Variants in PLXNA4 observed in about 807,000 individuals in gnomAD.
PLXNA4 encodes the protein plexin-A4.
In PLXNA4, 44 loss-of-function variants were observed where a neutral mutation model predicts 191.8. The ratio of observed to expected loss-of-function variants is 0.23; its 90% CI spans 0.18 to 0.29. The LOEUF is 0.29. Ranked by LOEUF, PLXNA4 falls within the 10% of genes least tolerant of loss-of-function variation. The probability of loss-of-function intolerance (pLI) is 1.00; values close to 1 mark genes in which losing one functional copy is unlikely to be tolerated. For synonymous variants in PLXNA4, 1,082 were observed against 1,009.5 expected, an observed-to-expected ratio of 1.07 and a Z score of -1.36; for missense variants, 1,800 against 2,488.8, an observed-to-expected ratio of 0.72 and a Z score of 5.89.
At chr7:132,264,969 C>T (rs535133134) in intron 4 of PLXNA4, among the ~76,000 whole-genome samples, 51 of 152,348 alleles carry the variant, frequency 3.3e-4, no homozygotes, top group African/African-American at 9.1e-4. Context: ...GCTGGGATTA[C>T]AGGCATGAGC....
At chr7:132,287,536 G>A (rs1800726653) in intron 4 of PLXNA4, among the ~76,000 whole-genome samples, 1 of 152,142 alleles carries the variant, frequency 6.6e-6, no homozygotes, top group Admixed American at 6.5e-5. Flanking sequence ...GGACGGGTAT[G>A]AAAAGCCAAG....
At chr7:132,220,608 C>T (rs565088147) in intron 9 of PLXNA4, among the ~76,000 whole-genome samples, 38 of 152,106 alleles carry the variant, frequency 2.5e-4, no homozygotes, top group Non-Finnish European at 3.8e-4. Context: ...ATCCTTCTCT[C>T]GGCCATTTCC....
chr7:132,184,892 A>G (rs948659106), intron 16 of PLXNA4, among the ~76,000 whole-genome samples: 2 of 151,988 alleles, frequency 1.3e-5, no homozygotes, highest in African/African-American at 4.8e-5. Context: ...ACCTGACTAC[A>G]GGGAGTAGTC....
At chr7:132,246,050 G>A (rs1358002714) in intron 4 of PLXNA4, among the ~76,000 whole-genome samples, 1 of 152,196 alleles carries the variant, frequency 6.6e-6, no homozygotes, top group East Asian at 1.9e-4. Flanking sequence ...ACTTACAAAT[G>A]CACACTTAGA....
intron 2 of PLXNA4, among the ~76,000 whole-genome samples, chr7:132,501,777 T>C (rs907138809): frequency 6.6e-6 from 1 of 152,174 alleles, no homozygotes; most frequent in African/African-American, 2.4e-5. Context: ...AGGCACCCAG[T>C]GCTAAATAAG....
intron 23 of PLXNA4, among the ~76,000 whole-genome samples, chr7:132,164,739 G>A (rs757300485): frequency 1.2e-4 from 19 of 152,368 alleles, no homozygotes; most frequent in Non-Finnish European, 2.1e-4. Context: ...CTTATCTGCC[G>A]CAACATGCGG....
intron 16 of PLXNA4, among the ~76,000 whole-genome samples, chr7:132,184,645 C>A (rs1044798508): frequency 3.9e-5 from 6 of 152,162 alleles, no homozygotes; most frequent in Non-Finnish European, 8.8e-5. Flanking sequence ...AATGAAGGTC[C>A]CCAAGTCCCT....
intron 4 of PLXNA4, among the ~76,000 whole-genome samples, chr7:132,296,172 A>C (rs936675497): frequency 6.6e-6 from 1 of 152,152 alleles, no homozygotes; most frequent in Admixed American, 6.5e-5. Context: ...CAGCCCTGGA[A>C]TGGATGAACA....
chr7:132,289,789 T>C (rs1263191623), intron 4 of PLXNA4, among the ~76,000 whole-genome samples: 1 of 152,076 alleles, frequency 6.6e-6, no homozygotes. Context: ...TACCTTGGCC[T>C]CTCAAAGTGC....
chr7:132,589,801 G>A (rs1802572402), intron 2 of PLXNA4, among the ~76,000 whole-genome samples: 1 of 152,196 alleles, frequency 6.6e-6, no homozygotes, highest in Non-Finnish European at 1.5e-5. Flanking sequence ...AAAACATGGT[G>A]TTGTGAAGAG....
At chr7:132,639,597 T>C (rs543208633) in intron 2 of PLXNA4, among the ~76,000 whole-genome samples, 118 of 152,234 alleles carry the variant, frequency 7.8e-4, no homozygotes, top group Non-Finnish European at 1.3e-3. Flanking sequence ...GCTTTACCTC[T>C]GCGTTGAGTC....
At chr7:132,410,274 C>T (rs547543492) in intron 3 of PLXNA4, among the ~76,000 whole-genome samples, 1 of 152,096 alleles carries the variant, frequency 6.6e-6, no homozygotes, top group South Asian at 2.1e-4. Flanking sequence ...TCTGAGCCAG[C>T]ACTGTAGAAT....
chr7:132,136,657 A>T (rs1795122427), intron 30 of PLXNA4, among the ~76,000 whole-genome samples: 1 of 152,192 alleles, frequency 6.6e-6, no homozygotes, highest in African/African-American at 2.4e-5. Context: ...GGATGCCAGC[A>T]GAAATCCTGG....
intron 2 of PLXNA4, among the ~76,000 whole-genome samples, chr7:132,599,471 T>C (rs907277259): frequency 1.3e-5 from 2 of 152,224 alleles, no homozygotes; most frequent in African/African-American, 4.8e-5. Context: ...TCCTGGTTAG[T>C]TCTTATTACT....
intron 3 of PLXNA4, among the ~76,000 whole-genome samples, chr7:132,334,102 A>T (rs536461583): frequency 6.6e-6 from 1 of 152,252 alleles, no homozygotes; most frequent in South Asian, 2.1e-4. Flanking sequence ...TCCTTAATGG[A>T]ACTCTGTAGC....
upstream of PLXNA4, chr7:132,577,167 G>T (rs1554473575): frequency 6.8e-6 from 1 of 146,812 alleles, no homozygotes; most frequent in East Asian, 2.0e-4. Context: ...GCCGCGGGCC[G>T]AGCCGGGCCT....
chr7:132,210,010 A>T (rs1797744670), intron 10 of PLXNA4, among the ~76,000 whole-genome samples: 1 of 152,210 alleles, frequency 6.6e-6, no homozygotes, highest in Non-Finnish European at 1.5e-5. Flanking sequence ...AGTTGTACTT[A>T]TTATATTTTG....
At chr7:132,188,951 G>GAGGAGAGGAAAGGAA (rs1562908606) in intron 14 of PLXNA4, among the ~76,000 whole-genome samples, 6 of 50,054 alleles carry the variant, frequency 1.2e-4, no homozygotes, top group Non-Finnish European at 3.3e-4. Context: ...CCTTCCCAGA[G>GAGGAGAGGAAAGGAA]AGGAAAGGAA....
intron 2 of PLXNA4, among the ~76,000 whole-genome samples, chr7:132,499,819 T>C (rs901956315): frequency 2.6e-5 from 4 of 152,116 alleles, no homozygotes; most frequent in African/African-American, 9.7e-5. Flanking sequence ...GTGGGATAAA[T>C]CAGCCGAACA....
Sources: gnomAD v4.1 joint callset for allele counts (sites outside exome capture counted in the v4.1 genomes callset) on GRCh38, gnomAD v4.1.1 for gene constraint, MANE v1.5 for transcripts, NCBI Gene and HGNC (gene_info 2026-07-23, HGNC 2026-07-21) for gene names.